The following TMPRSS15 variants were observed in gnomAD, a reference collection of about 807,000 sequenced individuals.
TMPRSS15 encodes the protein enteropeptidase.
TMPRSS15 carries 128 observed loss-of-function variants against 125.3 expected under a neutral mutation model. The observed-to-expected ratio is 1.02, with a 90% CI of 0.89 to 1.18. The LOEUF is 1.18. Among genes scored for constraint, TMPRSS15 ranks in the 50% most tolerant of loss-of-function variants. The pLI is 0.00. For synonymous variants in TMPRSS15, 446 were observed against 423.2 expected (o/e 1.05, Z -0.66); for missense variants, 1,283 against 1,212.7 (o/e 1.06, Z -0.86).
At chr21:18,299,383 T>C (rs1254422884) in intron 18 of TMPRSS15, among the ~76,000 whole-genome samples, 1 of 152,200 alleles carries the variant, frequency 6.6e-6, no homozygotes, top group African/African-American at 2.4e-5. Flanking sequence ...AACACAGATG[T>C]TAGAGGACCT....
chr21:18,307,360 A>G (rs1415096998), intron 18 of TMPRSS15, among the ~76,000 whole-genome samples: 1 of 152,182 alleles, frequency 6.6e-6, no homozygotes, highest in East Asian at 1.9e-4. Context: ...GGTTAGAAGG[A>G]CTACGATTCG....
chr21:18,405,929 CAA>C (rs2076150502), upstream of TMPRSS15, among the ~76,000 whole-genome samples: 1 of 151,906 alleles, frequency 6.6e-6, no homozygotes, highest in South Asian at 2.1e-4. Context: ...TTTTTTAAAA[CAA>C]AGTGTATCTA....
intron 24 of TMPRSS15, among the ~76,000 whole-genome samples, chr21:18,274,394 C>T (rs1407228419): frequency 6.6e-6 from 1 of 152,142 alleles, no homozygotes; most frequent in Non-Finnish European, 1.5e-5. Context: ...TAAAATCTAG[C>T]AGAACTTCCC....
At chr21:18,356,186 G>A (rs575105581) in intron 8 of TMPRSS15, among the ~76,000 whole-genome samples, 1 of 151,908 alleles carries the variant, frequency 6.6e-6, no homozygotes, top group African/African-American at 2.4e-5. Context: ...CTGGTGAATA[G>A]GTTTTGTGAA....
At chr21:18,287,404 T>C (rs2074778313) in intron 21 of TMPRSS15, among the ~76,000 whole-genome samples, 1 of 152,164 alleles carries the variant, frequency 6.6e-6, no homozygotes, top group African/African-American at 2.4e-5. Flanking sequence ...CCCAGCTCTT[T>C]TTTCTTTTTA....
chr21:18,319,497 C>A (rs180722982), intron 16 of TMPRSS15, among the ~76,000 whole-genome samples: 1 of 144,466 alleles, frequency 6.9e-6, no homozygotes, highest in African/African-American at 2.6e-5. Context: ...GGCGCCATCT[C>A]GGCTCACTGA....
At chr21:18,415,679 C>T (rs1245536144) in intron 1 of TMPRSS15, among the ~76,000 whole-genome samples, 1 of 152,036 alleles carries the variant, frequency 6.6e-6, no homozygotes. Context: ...TATGAGTTTA[C>T]ATCTGGTCTC....
intron 23 of TMPRSS15, among the ~76,000 whole-genome samples, chr21:18,276,630 T>C (rs1293755435): frequency 6.6e-6 from 1 of 152,202 alleles, no homozygotes; most frequent in Non-Finnish European, 1.5e-5. Flanking sequence ...GAGCAGTGTC[T>C]GTTTACTGAT....
intron 1 of TMPRSS15, among the ~76,000 whole-genome samples, chr21:18,447,587 T>G (rs1003700281): frequency 2.0e-4 from 31 of 152,242 alleles, no homozygotes; most frequent in African/African-American, 7.5e-4. Flanking sequence ...TGGGAGGGAC[T>G]TGGTGGGAAG....
At chr21:18,451,956 TA>T (rs1175154163) in intron 1 of TMPRSS15, among the ~76,000 whole-genome samples, 1 of 152,212 alleles carries the variant, frequency 6.6e-6, no homozygotes, top group East Asian at 1.9e-4. Flanking sequence ...TATGCATGCA[TA>T]ATTTTATTTT....
chr21:18,471,216 C>CA (rs907973749), intron 1 of TMPRSS15, among the ~76,000 whole-genome samples: 2 of 151,820 alleles, frequency 1.3e-5, no homozygotes, highest in African/African-American at 4.8e-5. Context: ...ACAACAACAA[C>CA]AAAAACAAAA....
At chr21:18,474,890 A>G (rs116424237) in intron 1 of TMPRSS15, among the ~76,000 whole-genome samples, 2,675 of 152,252 alleles carry the variant, frequency 0.018, 82 homozygotes, top group African/African-American at 0.061. Flanking sequence ...CAGGTACAAG[A>G]GCTCAATCTC....
At chr21:18,390,793 T>C (rs2075983907) in intron 3 of TMPRSS15, among the ~76,000 whole-genome samples, 1 of 152,096 alleles carries the variant, frequency 6.6e-6, no homozygotes, top group South Asian at 2.1e-4. Flanking sequence ...ATTAATCCAT[T>C]TTTACACTAC....
chr21:18,419,295 T>G (rs773169830), intron 1 of TMPRSS15, among the ~76,000 whole-genome samples: 24 of 148,836 alleles, frequency 1.6e-4, no homozygotes, highest in East Asian at 1.1e-3. Flanking sequence ...GTGCTATCTC[T>G]GCTCACTGCA....
upstream of TMPRSS15, among the ~76,000 whole-genome samples, chr21:18,404,455 A>C (rs1018304182): frequency 1.3e-5 from 2 of 152,196 alleles, no homozygotes; most frequent in African/African-American, 4.8e-5. Context: ...AAATATGCCA[A>C]TTAGAACAAG....
At chr21:18,280,960 T>C (rs1267431998) in intron 22 of TMPRSS15, 80 bp downstream of exon 22, 1 of 1,417,782 alleles carries the variant, frequency 7.1e-7, no homozygotes. Context: ...AATTAATGCA[T>C]TGACATTGAT....
In TMPRSS15 at chr21:18,312,982, G is replaced by A; in HGVS notation, c.2128C>T (p.Gln710Ter). 1 of 1,613,818 alleles carries A rather than the reference G, an allele frequency of 6.2e-7. No individual in the cohort carries two copies. The highest frequency in any genetic ancestry group is 8.5e-7 in the Non-Finnish European group (1 of 1,179,796). ...AGTTGACAAACATCATTTGAAATCT[G>A]GGTGGTCCAGTTCTCAGCACAAGCT... ...HTACAENWTT[Q>*]ISNDVCQLLG... Residue 710 changes from glutamine (Q) to a stop codon, truncating the protein, a stop_gained, in exon 18 of 25, where the codon CAG (glutamine) becomes TAG (stop). Coordinates refer to ENST00000284885, the MANE Select transcript of TMPRSS15 (RefSeq NM_002772.3). LOFTEE classifies it high-confidence loss of function.
At chr21:18,419,948 T>C (rs964448005) in intron 1 of TMPRSS15, among the ~76,000 whole-genome samples, 3 of 152,212 alleles carry the variant, frequency 2.0e-5, no homozygotes, top group Non-Finnish European at 4.4e-5. Flanking sequence ...TAACAGCTAA[T>C]CAACAACGGA....
intron 24 of TMPRSS15, among the ~76,000 whole-genome samples, chr21:18,272,736 A>AAAT (rs1371935575): frequency 2.6e-5 from 4 of 152,156 alleles, no homozygotes; most frequent in African/African-American, 9.7e-5. Flanking sequence ...AAAAATAAAT[A>AAAT]AATAAATAAT....
Sources: allele counts gnomAD v4.1 joint callset (sites outside exome capture counted in the v4.1 genomes callset), GRCh38; gene constraint gnomAD v4.1.1; transcripts MANE v1.5; gene names NCBI Gene and HGNC (gene_info 2026-07-23, HGNC 2026-07-21).